Variants in ITPR1 observed in about 807,000 individuals in gnomAD.
ITPR1 encodes the protein inositol 1,4,5-trisphosphate receptor type 1.
In ITPR1, 96 loss-of-function variants were observed where a neutral mutation model predicts 318.4. The observed-to-expected ratio is 0.30, with a 90% CI of 0.26 to 0.36. The LOEUF is 0.36. Ranked by LOEUF, ITPR1 falls within the 10% of genes least tolerant of loss-of-function variation. The probability of loss-of-function intolerance (pLI) is 1.00; values close to 1 mark genes in which losing one functional copy is unlikely to be tolerated. For synonymous variants in ITPR1, 1,312 were observed against 1,289.9 expected (o/e 1.02, Z -0.37); for missense variants, 2,440 against 3,460.2 (o/e 0.71, Z 7.40).
At chr3:4,567,936 A>G (rs530876392) in intron 4 of ITPR1, among the ~76,000 whole-genome samples, 1 of 152,282 alleles carries the variant, frequency 6.6e-6, no homozygotes, top group Non-Finnish European at 1.5e-5. Flanking sequence ...GAGAGGTTCA[A>G]TGATAGACAC....
chr3:4,642,058 C>A, intron 6 of ITPR1, 35 bp from the exon 7 acceptor site: 1 of 1,509,464 alleles, frequency 6.6e-7, no homozygotes, highest in Non-Finnish European at 8.9e-7. Context: ...TTCAGATTTG[C>A]TGACACTCAC....
intron 4 of ITPR1, among the ~76,000 whole-genome samples, chr3:4,536,460 G>C (rs557747061): frequency 6.6e-6 from 1 of 152,164 alleles, no homozygotes; most frequent in Non-Finnish European, 1.5e-5. Context: ...TAGAAACACA[G>C]CCTCAAAGGT....
chr3:4,605,612 T>A (rs2091648784), intron 4 of ITPR1, among the ~76,000 whole-genome samples: 1 of 152,222 alleles, frequency 6.6e-6, no homozygotes, highest in Admixed American at 6.5e-5. Flanking sequence ...GTATTATACA[T>A]GCAGAAAGAA....
At chr3:4,766,354 A>G (rs768375784) in intron 44 of ITPR1, among the ~76,000 whole-genome samples, 176 bp from the exon 45 acceptor site, 26 of 152,226 alleles carry the variant, frequency 1.7e-4, no homozygotes, top group Non-Finnish European at 1.5e-5. Context: ...TGAAAACCCC[A>G]GGCCTTAGAA....
At position 4,710,485 on chromosome 3, in the gene ITPR1, C is replaced by T. The variant is rs2041272166; in HGVS notation, c.4991+12C>T. ...GGTTTCATTTGCAAGTAAGCGGCCT[C>T]TCTCTCTGGGGTGTTCATTTGCCAG... On this transcript the variant is annotated intron_variant, in intron 38 of 61. Coordinates refer to ENST00000649015, the MANE Select transcript of ITPR1 (RefSeq NM_001378452.1). The surrounding 1 kb of genome is among the most constrained non-coding windows in gnomAD (Gnocchi z 4.2). The T allele has an allele frequency of 6.4e-7, 1 of 1,552,052 alleles. No individual in the cohort carries two copies. Among genetic ancestry groups the T allele is most frequent in the Non-Finnish European group, 8.7e-7 (1 of 1,147,164 alleles).
At chr3:4,620,282 C>G (rs2686607) in intron 4 of ITPR1, among the ~76,000 whole-genome samples, 1 of 152,088 alleles carries the variant, frequency 6.6e-6, no homozygotes, top group Non-Finnish European at 1.5e-5. Context: ...ACATGGTACA[C>G]GCAGCTGCAG....
At chr3:4,565,302 G>A (rs80155735) in intron 4 of ITPR1, among the ~76,000 whole-genome samples, 11,735 of 152,260 alleles carry the variant, frequency 0.077, 625 homozygotes, top group Non-Finnish European at 0.11. Context: ...AATAGTCACA[G>A]CCACTAGCAC....
chr3:4,701,544 C>T (rs966291232), intron 35 of ITPR1, among the ~76,000 whole-genome samples: 2 of 152,210 alleles, frequency 1.3e-5, no homozygotes, highest in Non-Finnish European at 1.5e-5. Flanking sequence ...GGCAATAGGA[C>T]AGAAAGTACT....
intron 42 of ITPR1, among the ~76,000 whole-genome samples, chr3:4,729,054 G>A (rs2042724557): frequency 6.6e-6 from 1 of 152,080 alleles, no homozygotes; most frequent in African/African-American, 2.4e-5. Context: ...ATTGTCCTAG[G>A]TCCTAGGAGT....
At chr3:4,684,983 T>A in intron 29 of ITPR1, 86 bp from the exon 30 acceptor site, 2 of 1,359,648 alleles carry the variant, frequency 1.5e-6, no homozygotes, top group Non-Finnish European at 2.0e-6. Context: ...TAATCCCCTT[T>A]GCCTCCCTGC....
chr3:4,698,587 T>C (rs1317025343), intron 34 of ITPR1, among the ~76,000 whole-genome samples: 1 of 152,208 alleles, frequency 6.6e-6, no homozygotes, highest in Non-Finnish European at 1.5e-5. Context: ...AAAGTAGCCA[T>C]GGCAAGCAGA....
chr3:4,654,538 A>G (rs1270869715), intron 12 of ITPR1, among the ~76,000 whole-genome samples: 7 of 152,346 alleles, frequency 4.6e-5, no homozygotes, highest in Non-Finnish European at 8.8e-5. Flanking sequence ...CGGTTGTGTT[A>G]CATGGAAAGG....
intron 4 of ITPR1, among the ~76,000 whole-genome samples, chr3:4,614,398 A>G (rs1404237997): frequency 2.6e-5 from 4 of 152,208 alleles, no homozygotes; most frequent in Non-Finnish European, 4.4e-5. Context: ...CTATCATACC[A>G]TAGCAGCTAG....
chr3:4,517,413 C>A (rs2082248156), intron 3 of ITPR1, among the ~76,000 whole-genome samples: 1 of 152,224 alleles, frequency 6.6e-6, no homozygotes, highest in African/African-American at 2.4e-5. Context: ...GGAAGACCAG[C>A]AGCTTCTCCA....
At chr3:4,558,118 T>A (rs2086314591) in intron 4 of ITPR1, among the ~76,000 whole-genome samples, 2 of 152,228 alleles carry the variant, frequency 1.3e-5, no homozygotes, top group South Asian at 4.1e-4. Context: ...AGAATAGATG[T>A]TCTGAGTTAG....
intron 44 of ITPR1, among the ~76,000 whole-genome samples, chr3:4,737,530 C>G (rs948990754): frequency 6.6e-6 from 1 of 152,096 alleles, no homozygotes; most frequent in African/African-American, 2.4e-5. Context: ...GTCTTTCAGA[C>G]CGAGGAGTGC....
At chr3:4,585,533 T>C (rs2125058631) in intron 4 of ITPR1, among the ~76,000 whole-genome samples, 1 of 152,134 alleles carries the variant, frequency 6.6e-6, no homozygotes, top group East Asian at 1.9e-4. Flanking sequence ...ACCTCCCAGG[T>C]TCAAGCAGTT....
intron 10 of ITPR1, among the ~76,000 whole-genome samples, chr3:4,646,486 G>T (rs147458497): frequency 6.6e-6 from 1 of 152,356 alleles, no homozygotes; most frequent in Non-Finnish European, 1.5e-5. Flanking sequence ...AAGGGCACGG[G>T]ATAGGCATGG....
At chr3:4,496,570 G>A (rs1164162949) in intron 2 of ITPR1, among the ~76,000 whole-genome samples, 1 of 152,236 alleles carries the variant, frequency 6.6e-6, no homozygotes, top group East Asian at 1.9e-4. Flanking sequence ...GGAATGAGAA[G>A]TGGAATGGTT....
Sources: allele counts gnomAD v4.1 joint callset (sites outside exome capture counted in the v4.1 genomes callset), GRCh38; gene constraint gnomAD v4.1.1; non-coding constraint Gnocchi (gnomAD v3.1); transcripts MANE v1.5; gene names NCBI Gene and HGNC (gene_info 2026-07-23, HGNC 2026-07-21).